MACROD2: variants seen among roughly 807,000 people sequenced by gnomAD.
The protein encoded by MACROD2 is mono-ADP ribosylhydrolase 2.
MACROD2 carries 36 observed loss-of-function variants against 70.4 expected under a neutral mutation model. That is an observed-to-expected ratio of 0.51 (90% CI 0.39 to 0.68). The LOEUF (loss-of-function observed/expected upper bound fraction) is 0.68. Ranked by LOEUF, MACROD2 falls within the 30% of genes least tolerant of loss-of-function variation. The pLI is 0.00. For synonymous variants in MACROD2, 172 were observed against 178.8 expected (o/e 0.96, Z 0.30); for missense variants, 496 against 538.4 (o/e 0.92, Z 0.78).
At chr20:15,962,309 A>G (rs2066074393) in intron 12 of MACROD2, among the ~76,000 whole-genome samples, 1 of 152,218 alleles carries the variant, frequency 6.6e-6, no homozygotes, top group Non-Finnish European at 1.5e-5. Context: ...TTAGCTTTGT[A>G]AGGTATCTTA....
chr20:14,573,392 A>G (rs535951631), intron 4 of MACROD2, among the ~76,000 whole-genome samples: 1 of 152,320 alleles, frequency 6.6e-6, no homozygotes, highest in South Asian at 2.1e-4. Context: ...AGCACTTACT[A>G]TATATTTAAG....
chr20:15,096,001 A>T (rs2075828718), intron 5 of MACROD2, among the ~76,000 whole-genome samples: 1 of 152,178 alleles, frequency 6.6e-6, no homozygotes, highest in South Asian at 2.1e-4. Context: ...TAAAATCCTC[A>T]GCTGATGTAT....
At chr20:14,960,810 A>G (rs1250311515) in intron 5 of MACROD2, among the ~76,000 whole-genome samples, 2 of 152,030 alleles carry the variant, frequency 1.3e-5, no homozygotes, top group Non-Finnish European at 2.9e-5. Flanking sequence ...CACTATCCAC[A>G]CACTTTTTTA....
chr20:14,450,709 G>A (rs941609183), intron 3 of MACROD2, among the ~76,000 whole-genome samples: 41 of 152,076 alleles, frequency 2.7e-4, no homozygotes, highest in Non-Finnish European at 5.6e-4. Context: ...GCTAACATGG[G>A]AGACCCAGAA....
intron 3 of MACROD2, among the ~76,000 whole-genome samples, chr20:14,174,959 C>T (rs1229505342): frequency 6.6e-6 from 1 of 152,198 alleles, no homozygotes; most frequent in Non-Finnish European, 1.5e-5. Context: ...TCAAGTTCCT[C>T]AGTGAGAGTG....
intron 5 of MACROD2, among the ~76,000 whole-genome samples, chr20:14,879,834 G>A (rs1222731334): frequency 2.0e-5 from 3 of 152,120 alleles, no homozygotes; most frequent in Admixed American, 6.5e-5. Context: ...AACAAACTAC[G>A]AAAATAATTT....
intron 5 of MACROD2, among the ~76,000 whole-genome samples, chr20:15,112,707 C>T (rs573528178): frequency 2.4e-4 from 37 of 152,256 alleles, no homozygotes; most frequent in South Asian, 2.3e-3. Context: ...AGTACATTCA[C>T]ACGGTAGTGC....
At chr20:14,913,373 A>G (rs2074052394) in intron 5 of MACROD2, among the ~76,000 whole-genome samples, 1 of 152,054 alleles carries the variant, frequency 6.6e-6, no homozygotes, top group African/African-American at 2.4e-5. Flanking sequence ...TTATTTATGT[A>G]TTATTTTAAT....
chr20:14,727,018 A>C (rs964083099), intron 5 of MACROD2, among the ~76,000 whole-genome samples: 29 of 152,186 alleles, frequency 1.9e-4, no homozygotes, highest in African/African-American at 7.0e-4. Context: ...CATATGGTTT[A>C]AACCATATGG....
At chr20:14,761,562 C>T (rs1946989670) in intron 5 of MACROD2, among the ~76,000 whole-genome samples, 1 of 152,076 alleles carries the variant, frequency 6.6e-6, no homozygotes, top group African/African-American at 2.4e-5. Context: ...TTCCCAAGAT[C>T]CTTATTATGA....
chr20:15,486,491 T>G (rs778264292), intron 7 of MACROD2, among the ~76,000 whole-genome samples: 7 of 152,210 alleles, frequency 4.6e-5, no homozygotes, highest in Non-Finnish European at 7.3e-5. Context: ...GAGAGTAGAC[T>G]TATCCCCTCT....
At position 15,113,489 on chromosome 20, in the gene MACROD2, G is replaced by C. The variant is rs374608844; in HGVS notation, c.419-116451G>C. On this transcript the variant is annotated intron_variant, in intron 5 of 17. Coordinates refer to ENST00000684519, the MANE Select transcript of MACROD2 (RefSeq NM_001351661.2). Reference sequence around the variant, plus strand: ...AATATGATGAAATGTCAGTGTTTTTGAGGCGTCAAAACAAATGACATAATG... The same window carrying C: ...AATATGATGAAATGTCAGTGTTTTTCAGGCGTCAAAACAAATGACATAATG... Among the ~76,000 whole-genome samples the C allele has an allele frequency of 2.0e-5, 3 of 152,228 alleles. No homozygotes were observed. In the East Asian group the frequency reaches 5.8e-4, roughly 29 times the overall value.
intron 6 of MACROD2, among the ~76,000 whole-genome samples, chr20:15,332,762 A>G (rs754575494): frequency 2.6e-5 from 4 of 151,698 alleles, no homozygotes; most frequent in Non-Finnish European, 5.9e-5. Flanking sequence ...TAAAGAAGCC[A>G]TCCCTCCATG....
rs1383847707 is a variant in MACROD2 at position 15,225,506 on chromosome 20, C to T, written c.419-4434C>T. Among the ~76,000 whole-genome samples, 3 of 152,158 alleles carry T rather than the reference C, an allele frequency of 2.0e-5. No homozygotes were observed. The South Asian group carries it at 6.2e-4, about 31-fold the overall frequency. On this transcript the variant is annotated intron_variant, in intron 5 of 17. Transcript: ENST00000684519. ...TTTCTGTCACTCTTCTAGTAGGTAA[C>T]CACTCTTATTAACTGCTAGTTTATC...
intron 8 of MACROD2, among the ~76,000 whole-genome samples, chr20:15,650,248 T>C (rs572738268): frequency 6.6e-6 from 1 of 152,114 alleles, no homozygotes; most frequent in African/African-American, 2.4e-5. Flanking sequence ...AAATAAATGG[T>C]CATGAGAAAG....
At chr20:14,142,898 A>G (rs2148706591) in intron 3 of MACROD2, among the ~76,000 whole-genome samples, 1 of 152,296 alleles carries the variant, frequency 6.6e-6, no homozygotes, top group East Asian at 1.9e-4. Context: ...ACTTATGTCT[A>G]TGTAGTAAGA....
chr20:14,932,825 C>G (rs1225103725), intron 5 of MACROD2, among the ~76,000 whole-genome samples: 5 of 152,064 alleles, frequency 3.3e-5, no homozygotes, highest in African/African-American at 4.8e-5. Context: ...CTCGGCCTCC[C>G]AAAGTGCTGG....
At chr20:15,296,947 G>A (rs1264940786) in intron 6 of MACROD2, among the ~76,000 whole-genome samples, 2 of 152,182 alleles carry the variant, frequency 1.3e-5, no homozygotes, top group Non-Finnish European at 2.9e-5. Context: ...CAAAATGAAG[G>A]TAGCCTCGGT....
Position 15,159,628 on chromosome 20 carries a change from A to T in MACROD2, c.419-70312A>T, listed in dbSNP as rs538018363. On this transcript the variant is annotated intron_variant, in intron 5 of 17. Coordinates refer to ENST00000684519, the MANE Select transcript of MACROD2 (RefSeq NM_001351661.2). ...TCTAATTATGTAAGGAGATTGATTG[A>T]TTGGTTTTTGGTTGATATGGGAGAA... Among the ~76,000 whole-genome samples, 35 of 14,466 alleles carry T rather than the reference A, an allele frequency of 2.4e-3. 1 individual carries two copies. The East Asian group carries it at 0.45, about 185-fold the overall frequency. The allele number at this position is 14,466 out of a possible 152,430, so 9.5% of individuals were successfully genotyped here. A position where few individuals can be genotyped will look rare whatever the true frequency, so the allele number is the denominator to read the frequency against.
Sources: allele counts gnomAD v4.1 joint callset (sites outside exome capture counted in the v4.1 genomes callset), GRCh38; gene constraint gnomAD v4.1.1; transcripts MANE v1.5; gene names NCBI Gene and HGNC (gene_info 2026-07-23, HGNC 2026-07-21).